The following PPFIA2 variants were observed in gnomAD, a reference collection of about 807,000 sequenced individuals.
PPFIA2 encodes the protein PPFI scaffold protein A2.
PPFIA2 carries 46 observed loss-of-function variants against 175.5 expected under a neutral mutation model. That is an observed-to-expected ratio of 0.26 (90% confidence interval 0.21 to 0.34). The LOEUF is 0.34. Among genes scored for constraint, PPFIA2 ranks in the 10% least tolerant of loss-of-function variants. The pLI is 1.00. For missense variants in PPFIA2, 1,179 were observed against 1,506.1 expected (o/e 0.78, Z 3.60); for synonymous variants, 568 against 511.4 (o/e 1.11, Z -1.49).
chr12:81,399,373 C>A (rs1360397070), intron 8 of PPFIA2, among the ~76,000 whole-genome samples: 1 of 150,166 alleles, frequency 6.7e-6, no homozygotes, highest in Non-Finnish European at 1.5e-5. Context: ...CTGAAGACAG[C>A]AGAGTGGATT....
intron 22 of PPFIA2, among the ~76,000 whole-genome samples, chr12:81,324,822 T>C (rs2139757490): frequency 6.6e-6 from 1 of 152,124 alleles, no homozygotes; most frequent in Middle Eastern, 3.4e-3. Context: ...TATATGTACA[T>C]AATTTTTAGT....
intron 4 of PPFIA2, among the ~76,000 whole-genome samples, chr12:81,604,967 T>C (rs1217514883): frequency 6.6e-6 from 1 of 151,752 alleles, no homozygotes; most frequent in African/African-American, 2.4e-5. Context: ...CAAGAAATTA[T>C]CTAATACACC....
chr12:81,325,973 AT>A, intron 21 of PPFIA2, 103 bp from the exon 22 acceptor site: 1 of 770,146 alleles, frequency 1.3e-6, no homozygotes, highest in South Asian at 1.6e-5. Context: ...TTAGTATCAC[AT>A]TTAAAAATTT....
At chr12:81,712,894 G>C (rs979814979) in intron 3 of PPFIA2, among the ~76,000 whole-genome samples, 1 of 151,012 alleles carries the variant, frequency 6.6e-6, no homozygotes, top group Non-Finnish European at 1.5e-5. Flanking sequence ...ATCTCCAAGA[G>C]AAGTGATGGT....
At chr12:81,285,318 G>T in intron 24 of PPFIA2, among the ~76,000 whole-genome samples, 1 of 152,030 alleles carries the variant, frequency 6.6e-6, no homozygotes, top group Admixed American at 6.6e-5. Flanking sequence ...TTGTTTTGGG[G>T]AGGGTCCAAT....
chr12:81,518,431 C>A (rs2062720824), intron 4 of PPFIA2, among the ~76,000 whole-genome samples: 2 of 152,174 alleles, frequency 1.3e-5, no homozygotes, highest in Admixed American at 6.5e-5. Flanking sequence ...AGTAATTCTT[C>A]AAAGCTAGGA....
intron 4 of PPFIA2, among the ~76,000 whole-genome samples, chr12:81,462,608 A>ACATATATATAT: frequency 7.4e-6 from 1 of 134,884 alleles, no homozygotes; most frequent in East Asian, 2.1e-4. Context: ...ATATATATAT[A>ACATATATATAT]ATATAGCGAT....
intron 4 of PPFIA2, among the ~76,000 whole-genome samples, chr12:81,661,935 G>C (rs1045759105): frequency 9.2e-5 from 14 of 152,118 alleles, no homozygotes; most frequent in African/African-American, 3.1e-4. Flanking sequence ...TGAACAACCT[G>C]CTCCTGAATG....
intron 4 of PPFIA2, among the ~76,000 whole-genome samples, chr12:81,571,581 T>C (rs1370942860): frequency 6.6e-6 from 1 of 152,132 alleles, no homozygotes; most frequent in East Asian, 1.9e-4. Flanking sequence ...TAACCTAGCA[T>C]GCTGGATTAT....
At chr12:81,614,103 T>A (rs769980244) in intron 4 of PPFIA2, among the ~76,000 whole-genome samples, 4 of 152,064 alleles carry the variant, frequency 2.6e-5, no homozygotes, top group Non-Finnish European at 4.4e-5. Flanking sequence ...AAAAAAAGAT[T>A]TTTATGGATT....
chr12:81,600,938 C>T (rs571101313), intron 4 of PPFIA2, among the ~76,000 whole-genome samples: 1 of 151,932 alleles, frequency 6.6e-6, no homozygotes, highest in African/African-American at 2.4e-5. Context: ...TTCACCAGAT[C>T]CCTTGTTATT....
At chr12:81,540,488 T>A (rs2066042435) in intron 4 of PPFIA2, among the ~76,000 whole-genome samples, 1 of 152,050 alleles carries the variant, frequency 6.6e-6, no homozygotes, top group South Asian at 2.1e-4. Context: ...GCTGAAGAAC[T>A]AAGCAGAGAT....
At chr12:81,333,771 T>C (rs2056590146) in intron 21 of PPFIA2, among the ~76,000 whole-genome samples, 1 of 152,190 alleles carries the variant, frequency 6.6e-6, no homozygotes, top group African/African-American at 2.4e-5. Flanking sequence ...ATTCCTCCCC[T>C]TATTAGTAAT....
intron 4 of PPFIA2, among the ~76,000 whole-genome samples, chr12:81,506,390 A>G (rs1281806541): frequency 6.6e-6 from 1 of 152,182 alleles, no homozygotes; most frequent in Admixed American, 6.5e-5. Flanking sequence ...CACTTTATAC[A>G]TAACTCTAAC....
In PPFIA2 at chr12:81,507,662, C is replaced by T. The variant is rs78483014; in HGVS notation, c.304-49796G>A. On this transcript the variant is annotated intron_variant, in intron 4 of 32. Coordinates refer to ENST00000549396, the MANE Select transcript of PPFIA2 (RefSeq NM_003625.5). ...CCATGCTGGTCTGAGTCATCTTTAT[C>T]TTTCCTCTCAATTACTGTAGTAACC... is the stretch of plus-strand genomic sequence containing the variant. Among the ~76,000 whole-genome samples, 464 of 152,328 alleles carry T rather than the reference C, an allele frequency of 3.0e-3. 6 individuals carry two copies. Among genetic ancestry groups the T allele is most frequent in the East Asian group, 0.029 (151 of 5,182 alleles).
At chr12:81,570,298 A>G (rs1204943223) in intron 4 of PPFIA2, among the ~76,000 whole-genome samples, 1 of 152,122 alleles carries the variant, frequency 6.6e-6, no homozygotes, top group African/African-American at 2.4e-5. Context: ...TCAAATGTTG[A>G]TAATATTTTT....
At chr12:81,723,160 A>T (rs2079570569) in intron 3 of PPFIA2, among the ~76,000 whole-genome samples, 2 of 151,032 alleles carry the variant, frequency 1.3e-5, no homozygotes, top group African/African-American at 4.8e-5. Context: ...TTGCTGCTTC[A>T]TATTTCTCTG....
At chr12:81,373,549 T>C (rs2035681483) in intron 11 of PPFIA2, among the ~76,000 whole-genome samples, 1 of 152,012 alleles carries the variant, frequency 6.6e-6, no homozygotes, top group Non-Finnish European at 1.5e-5. Context: ...CTTAATCAGT[T>C]TTATCCAACT....
At chr12:81,494,478 A>G (rs1243603235) in intron 4 of PPFIA2, among the ~76,000 whole-genome samples, 1 of 152,100 alleles carries the variant, frequency 6.6e-6, no homozygotes, top group African/African-American at 2.4e-5. Context: ...AAATAGGAAC[A>G]CTTTTACACT....
Sources: allele counts gnomAD v4.1 joint callset (sites outside exome capture counted in the v4.1 genomes callset), GRCh38; gene constraint gnomAD v4.1.1; transcripts MANE v1.5; gene names NCBI Gene and HGNC (gene_info 2026-07-23, HGNC 2026-07-21).